The following CCSER1 variants were observed in gnomAD, a reference collection of about 807,000 sequenced individuals.
The protein encoded by CCSER1 is coiled-coil serine rich protein 1, also known as serine-rich coiled-coil domain-containing protein 1.
CCSER1 carries 41 observed loss-of-function variants against 82.0 expected under a neutral mutation model. The observed-to-expected ratio is 0.50, with a 90% CI of 0.39 to 0.65. The LOEUF is 0.65. CCSER1 is among the 30% of genes least tolerant of loss of function. The pLI, the probability that CCSER1 is intolerant of heterozygous loss-of-function variation, is 0.00. For missense variants in CCSER1, 1,119 were observed against 1,064.2 expected, an observed-to-expected ratio of 1.05 and a Z score of -0.72; for synonymous variants, 414 against 383.9, an observed-to-expected ratio of 1.08 and a Z score of -0.92.
At chr4:91,549,703 G>C (rs562263709) in intron 10 of CCSER1, among the ~76,000 whole-genome samples, 139 of 152,108 alleles carry the variant, frequency 9.1e-4, no homozygotes, top group African/African-American at 3.2e-3. Context: ...CGGCCGTGCT[G>C]GTGCGCCTGT....
At chr4:90,812,028 CACATGATT>C (rs1462678571) in intron 7 of CCSER1, among the ~76,000 whole-genome samples, 1 of 129,774 alleles carries the variant, frequency 7.7e-6, no homozygotes, top group Non-Finnish European at 1.7e-5. Context: ...AGTATTAACT[CACATGATT>C]ACAAGGTCCA....
intron 10 of CCSER1, among the ~76,000 whole-genome samples, chr4:91,477,749 G>T (rs144876461): frequency 2.0e-5 from 3 of 151,796 alleles, no homozygotes; most frequent in East Asian, 3.9e-4. Context: ...CTTTCCAAAG[G>T]TGAAAGAGAA....
intron 5 of CCSER1, among the ~76,000 whole-genome samples, chr4:90,516,560 G>C (rs1199221512): frequency 2.0e-5 from 3 of 152,090 alleles, no homozygotes; most frequent in Non-Finnish European, 2.9e-5. Flanking sequence ...TCCAAATAAA[G>C]GGAAACAGGA....
intron 9 of CCSER1, among the ~76,000 whole-genome samples, chr4:91,074,389 T>C (rs1721744070): frequency 6.6e-6 from 1 of 152,220 alleles, no homozygotes; most frequent in African/African-American, 2.4e-5. Context: ...CAACATCTTA[T>C]GCCACTAACA....
At chr4:91,366,345 A>G (rs1749615239) in intron 10 of CCSER1, among the ~76,000 whole-genome samples, 1 of 152,088 alleles carries the variant, frequency 6.6e-6, no homozygotes, top group Admixed American at 6.6e-5. Flanking sequence ...TCCTGCTAGG[A>G]CTTTGTCATA....
At chr4:90,916,263 A>G (rs889678485) in intron 8 of CCSER1, among the ~76,000 whole-genome samples, 1 of 152,222 alleles carries the variant, frequency 6.6e-6, no homozygotes, top group African/African-American at 2.4e-5. Flanking sequence ...GACTTAAACT[A>G]TACTACAAGG....
chr4:91,215,383 A>T (rs1737160635), intron 10 of CCSER1, among the ~76,000 whole-genome samples: 1 of 152,170 alleles, frequency 6.6e-6, no homozygotes, highest in Admixed American at 6.5e-5. Context: ...AACTAATAGG[A>T]TAGATGTATA....
rs183934757 is a variant in CCSER1 at position 90,665,047 on chromosome 4, T to A, written c.1932+36815T>A. ...TAATCCTGAAAAATTCAAGTCCTTG[T>A]TTAGTGAACTTATTTTTCCATTACT... On this transcript the variant is annotated intron_variant, in intron 6 of 10. Coordinates refer to ENST00000509176, the MANE Select transcript of CCSER1 (RefSeq NM_001145065.2). Among the ~76,000 whole-genome samples the A allele has an allele frequency of 2.5e-3, 381 of 152,306 alleles. 1 individual carries two copies. The highest frequency in any genetic ancestry group is 8.6e-3 in the African/African-American group (358 of 41,562).
chr4:91,178,818 T>A (rs1560496149), intron 10 of CCSER1, among the ~76,000 whole-genome samples: 1 of 152,168 alleles, frequency 6.6e-6, no homozygotes, highest in Non-Finnish European at 1.5e-5. Context: ...TTAATATTGT[T>A]ATGTGTGAAT....
rs1739226831 is a variant in CCSER1, at chr4:91,014,083, A to G, written c.2173-71867A>G. On this transcript the variant is annotated intron_variant, in intron 9 of 10. Transcript: ENST00000509176. ...TCATGAATACATAAGCCCGGACATC[A>G]CTTAATGCTTGGAAGAGTGAGATTT... 1.5e-5 allele frequency among the ~76,000 whole-genome samples: 2 copies of G among 133,674 alleles called. 1 individual carries two copies. Among genetic ancestry groups the G allele is most frequent in the African/African-American group, 5.0e-5 (2 of 40,264 alleles). The allele number at this position is 133,674 out of a possible 152,430, so 87.7% of individuals were successfully genotyped here. A position where few individuals can be genotyped will look rare whatever the true frequency, so the allele number is the denominator to read the frequency against.
intron 7 of CCSER1, among the ~76,000 whole-genome samples, chr4:90,793,427 A>T (rs988724750): frequency 1.3e-5 from 2 of 152,210 alleles, no homozygotes; most frequent in African/African-American, 2.4e-5. Context: ...AAGTGAGAAC[A>T]TGCAGTATTT....
At chr4:90,346,740 G>T (rs1164943119) in intron 3 of CCSER1, among the ~76,000 whole-genome samples, 3 of 152,026 alleles carry the variant, frequency 2.0e-5, no homozygotes, top group Non-Finnish European at 4.4e-5. Context: ...ATAAGTACTG[G>T]TTGCTTTGGA....
chr4:90,591,033 C>A (rs533246833), intron 5 of CCSER1, among the ~76,000 whole-genome samples: 112 of 152,106 alleles, frequency 7.4e-4, no homozygotes, highest in African/African-American at 2.6e-3. Flanking sequence ...AAGTTGTATT[C>A]CTAGGTATTT....
intron 6 of CCSER1, among the ~76,000 whole-genome samples, chr4:90,682,553 A>AT (rs924836681): frequency 1.3e-4 from 20 of 151,098 alleles, no homozygotes; most frequent in Non-Finnish European, 7.4e-5. Context: ...CTTACCTTTT[A>AT]TTTTTTTTTC....
chr4:91,514,103 CT>C (rs1465076884), intron 10 of CCSER1, among the ~76,000 whole-genome samples: 1 of 152,128 alleles, frequency 6.6e-6, no homozygotes, highest in Non-Finnish European at 1.5e-5. Context: ...GTGCTATAAA[CT>C]TTCCTGTCAA....
At chr4:91,515,733 G>A (rs1445819846) in intron 10 of CCSER1, among the ~76,000 whole-genome samples, 1 of 152,038 alleles carries the variant, frequency 6.6e-6, no homozygotes, top group African/African-American at 2.4e-5. Flanking sequence ...TGGGATTGTT[G>A]GGTTGAAGGG....
chr4:91,078,717 A>G (rs1181638282), intron 9 of CCSER1, among the ~76,000 whole-genome samples: 1 of 152,246 alleles, frequency 6.6e-6, no homozygotes, highest in Non-Finnish European at 1.5e-5. Flanking sequence ...TAGAAAAAAC[A>G]GTGTAGAGAA....
At chr4:91,538,208 G>C (rs1324238464) in intron 10 of CCSER1, among the ~76,000 whole-genome samples, 1 of 151,964 alleles carries the variant, frequency 6.6e-6, no homozygotes, top group Non-Finnish European at 1.5e-5. Flanking sequence ...TGAGCAAAAA[G>C]ATGAACTTCA....
intron 3 of CCSER1, among the ~76,000 whole-genome samples, chr4:90,321,488 A>AT (rs1369480132): frequency 2.4e-4 from 36 of 152,160 alleles, no homozygotes; most frequent in Admixed American, 2.4e-3. Flanking sequence ...AGTTGATTGC[A>AT]TGTCCTGGCT....
Sources: gnomAD v4.1 joint callset for allele counts (sites outside exome capture counted in the v4.1 genomes callset) on GRCh38, gnomAD v4.1.1 for gene constraint, MANE v1.5 for transcripts, NCBI Gene and HGNC (gene_info 2026-07-23, HGNC 2026-07-21) for gene names.